The following INSR variants were observed in gnomAD, a reference collection of about 807,000 sequenced individuals.
The protein encoded by INSR is insulin receptor, also known as IR.
In INSR, 67 loss-of-function variants were observed where a neutral mutation model predicts 142.6. The ratio of observed to expected loss-of-function variants is 0.47; its 90% CI spans 0.39 to 0.58. The LOEUF (loss-of-function observed/expected upper bound fraction) is 0.58. Among genes scored for constraint, INSR ranks in the 20% least tolerant of loss-of-function variants. INSR has a pLI of 0.00. For missense variants in INSR, 1,248 were observed against 1,833.2 expected, an observed-to-expected ratio of 0.68 and a Z score of 5.83; for synonymous variants, 756 against 743.1, an observed-to-expected ratio of 1.02 and a Z score of -0.28.
At chr19:7,207,939 AG>A (rs34778099) in intron 2 of INSR, among the ~76,000 whole-genome samples, 136 of 86,812 alleles carry the variant, frequency 1.6e-3, no homozygotes, top group Middle Eastern at 5.9e-3. Context: ...GAAGGAAGGA[AG>A]GGAAGGAGGG....
chr19:7,117,694 C>CCTCCTAGG (rs1972371080), intron 21 of INSR, among the ~76,000 whole-genome samples: 1 of 151,624 alleles, frequency 6.6e-6, no homozygotes, highest in Non-Finnish European at 1.5e-5. Context: ...GCAGCCTCTG[C>CCTCCTAGG]CTCCTAGGCT....
intron 4 of INSR, among the ~76,000 whole-genome samples, chr19:7,172,996 C>T (rs1209876276): frequency 1.3e-5 from 2 of 152,154 alleles, no homozygotes; most frequent in African/African-American, 4.8e-5. Flanking sequence ...CAAAGCCATG[C>T]CTGCTAGCTG....
chr19:7,120,228 C>T (rs902433547), intron 20 of INSR, among the ~76,000 whole-genome samples: 4 of 152,216 alleles, frequency 2.6e-5, no homozygotes, highest in African/African-American at 7.2e-5. Flanking sequence ...CGAGTTGTCT[C>T]GTCTTTCCAG....
intron 9 of INSR, among the ~76,000 whole-genome samples, chr19:7,154,614 TG>T (rs1478693322): frequency 6.7e-6 from 1 of 149,394 alleles, no homozygotes; most frequent in Non-Finnish European, 1.5e-5. Flanking sequence ...CAATTACTTT[TG>T]CACCAACCTA....
rs1568459612 is a variant in INSR, at chr19:7,166,323, G to A, written c.1692C>T (p.Pro564=). The A allele has an allele frequency of 1.2e-6, 2 of 1,614,108 alleles. No individual in the cohort carries two copies. Among genetic ancestry groups the A allele is most frequent in the South Asian group, 2.2e-5 (2 of 91,080 alleles). ...NSWTVVDIDP[P]LRSNDPKSQN... is the part of the protein sequence containing the mutation. ...GTGATTTGGGGTCGTTGGACCTCAGGGGTGGGTCAATGTCTACCACCGTCC... is the reference window on the plus strand; with the variant it reads ...GTGATTTGGGGTCGTTGGACCTCAGAGGTGGGTCAATGTCTACCACCGTCC... Residue 564 remains proline (P), a synonymous_variant, in exon 8 of 22, where the codon CCC becomes CCT. Coordinates refer to ENST00000302850, the MANE Select transcript of INSR (RefSeq NM_000208.4). The surrounding 1 kb of genome is among the most constrained non-coding windows in gnomAD (Gnocchi z 4.1).
At chr19:7,199,235 A>T (rs62111426) in intron 2 of INSR, among the ~76,000 whole-genome samples, 11,427 of 152,140 alleles carry the variant, frequency 0.075, 480 homozygotes, top group South Asian at 0.16. Context: ...ATATTAACTC[A>T]ATTATTCAAG....
At chr19:7,207,019 T>A (rs1008149961) in intron 2 of INSR, among the ~76,000 whole-genome samples, 1 of 152,032 alleles carries the variant, frequency 6.6e-6, no homozygotes, top group Non-Finnish European at 1.5e-5. Flanking sequence ...AAACCATAAT[T>A]TGAGGGCCAT....
chr19:7,117,534 T>C, intron 21 of INSR, 124 bp from the exon 22 acceptor site: 1 of 668,464 alleles, frequency 1.5e-6, no homozygotes, highest in Admixed American at 2.7e-5. Context: ...AGATGCTGGC[T>C]GTGTGTGTGG....
intron 16 of INSR, among the ~76,000 whole-genome samples, chr19:7,126,283 A>G (rs1972643620): frequency 6.6e-6 from 1 of 152,198 alleles, no homozygotes; most frequent in South Asian, 2.1e-4. Context: ...ATGTAGCTAC[A>G]TGGGTGAAGC....
At chr19:7,186,754 G>T (rs979654077) in intron 2 of INSR, among the ~76,000 whole-genome samples, 5 of 151,678 alleles carry the variant, frequency 3.3e-5, no homozygotes, top group African/African-American at 1.2e-4. Context: ...GCCCAGGCTG[G>T]GGTGCAGTGG....
At chr19:7,142,743 G>C (rs2144861274) in intron 12 of INSR, 73 bp downstream of exon 12, 1 of 1,546,784 alleles carries the variant, frequency 6.5e-7, no homozygotes, top group South Asian at 1.1e-5. Flanking sequence ...ACTGCTTAGA[G>C]GGTGGAGAAT....
intron 19 of INSR, among the ~76,000 whole-genome samples, chr19:7,122,409 C>T (rs1257392970): frequency 1.3e-5 from 2 of 152,128 alleles, no homozygotes; most frequent in East Asian, 3.9e-4. Context: ...CACCACTGCA[C>T]TCCAGCCTGG....
chr19:7,280,750 A>T (rs567859241), intron 1 of INSR, among the ~76,000 whole-genome samples: 2 of 150,482 alleles, frequency 1.3e-5, no homozygotes, highest in East Asian at 3.9e-4. Context: ...AAAATTAGTC[A>T]GGTATTGTGG....
intron 2 of INSR, among the ~76,000 whole-genome samples, chr19:7,211,115 T>A (rs2145072957): frequency 6.6e-6 from 1 of 152,164 alleles, no homozygotes. Flanking sequence ...CTGCATGGGC[T>A]GGAGTGCAGT....
At position 7,117,262 on chromosome 19, in the gene INSR, C is replaced by T. The variant is rs1300273034; in HGVS notation, c.3943G>A (p.Glu1315Lys). ...HSEENKAPES[E>K]ELEMEFEDME... ...TCCTCAAACTCCATCTCCAGCTCCT[C>T]ACTCTCGGGAGCCTTGTTCTCCTCG... The change falls in exon 22 of 22, where the codon GAG becomes AAG. Residue 1315 changes from glutamate (E) to lysine (K), a missense_variant. Glu to Lys is a moderately conservative substitution (Grantham distance 56). Transcript: ENST00000302850. 1.9e-6 allele frequency: 3 copies of T among 1,614,226 alleles called. No homozygotes were observed. Among genetic ancestry groups the T allele is most frequent in the Admixed American group, 3.3e-5 (2 of 60,024 alleles).
At chr19:7,146,484 C>T (rs1973191099) in intron 11 of INSR, among the ~76,000 whole-genome samples, 1 of 151,974 alleles carries the variant, frequency 6.6e-6, no homozygotes, top group South Asian at 2.1e-4. Context: ...TTGTGATCCG[C>T]CCCCCACCTC....
intron 1 of INSR, 121 bp downstream of exon 1, chr19:7,293,671 G>T: frequency 1.2e-6 from 1 of 837,910 alleles, no homozygotes; most frequent in Non-Finnish European, 1.5e-6. Context: ...TACCGTCCTG[G>T]CCACCGCCCC....
intron 9 of INSR, among the ~76,000 whole-genome samples, chr19:7,156,052 CTTTTTTTTT>C (rs147889782): frequency 0.019 from 1,272 of 67,230 alleles, 12 homozygotes; most frequent in Middle Eastern, 0.028. Context: ...ATATGGAATT[CTTTTTTTTT>C]TTTTTTTTTT....
At chr19:7,172,876 T>TAC (rs1555744478) in intron 4 of INSR, among the ~76,000 whole-genome samples, 3 of 39,170 alleles carry the variant, frequency 7.7e-5, no homozygotes, top group African/African-American at 5.3e-4. Context: ...CTACTAAAAC[T>TAC]ACAAAAAAAA....
Sources: gnomAD v4.1 joint callset for allele counts (sites outside exome capture counted in the v4.1 genomes callset) on GRCh38, gnomAD v4.1.1 for gene constraint, Gnocchi (gnomAD v3.1) non-coding constraint, MANE v1.5 for transcripts, NCBI Gene and HGNC (gene_info 2026-07-23, HGNC 2026-07-21) for gene names.